Variants in BICC1 observed in about 807,000 individuals in gnomAD.
BICC1 encodes protein bicaudal C homolog 1.
In BICC1, 43 loss-of-function variants were observed where a neutral mutation model predicts 111.0. The observed-to-expected ratio is 0.39, with a 90% CI of 0.30 to 0.50. BICC1 has a LOEUF of 0.50. Ranked by LOEUF, BICC1 falls within the 20% of genes least tolerant of loss-of-function variation. The pLI, the probability that BICC1 is intolerant of heterozygous loss-of-function variation, is 0.88. For synonymous variants in BICC1, 467 were observed against 434.4 expected (o/e 1.07, Z -0.93); for missense variants, 1,091 against 1,203.2 (o/e 0.91, Z 1.38).
chr10:58,513,473 G>A (rs1744678888), intron 1 of BICC1, 140 bp downstream of exon 1: 1 of 815,234 alleles, frequency 1.2e-6, no homozygotes, highest in Non-Finnish European at 1.8e-6. Context: ...CGCGGAGCCG[G>A]AGGACACCCA....
chr10:58,787,976 G>A (rs546840763), intron 5 of BICC1, among the ~76,000 whole-genome samples: 10 of 152,110 alleles, frequency 6.6e-5, no homozygotes, highest in African/African-American at 2.4e-4. Context: ...TATGGAAAAT[G>A]TTCACTATTT....
intron 3 of BICC1, among the ~76,000 whole-genome samples, chr10:58,776,330 C>A (rs934156316): frequency 1.1e-4 from 16 of 152,210 alleles, no homozygotes; most frequent in Non-Finnish European, 1.3e-4. Context: ...AAGGAACAAT[C>A]TGCCCTGGCT....
chr10:58,546,637 G>A (rs1843144599), intron 1 of BICC1, among the ~76,000 whole-genome samples: 1 of 152,090 alleles, frequency 6.6e-6, no homozygotes, highest in Non-Finnish European at 1.5e-5. Flanking sequence ...CCTCTGTAGT[G>A]AATGGCTCTC....
chr10:58,519,729 C>T (rs1294751617), intron 1 of BICC1, among the ~76,000 whole-genome samples: 1 of 151,992 alleles, frequency 6.6e-6, no homozygotes. Context: ...AAGAGGAAAC[C>T]AACTCTGATC....
chr10:58,620,984 G>A (rs933570110), intron 2 of BICC1, 83 bp downstream of exon 2: 3 of 1,212,048 alleles, frequency 2.5e-6, no homozygotes, highest in African/African-American at 1.5e-5. Flanking sequence ...GCCACCGAAC[G>A]CTCCCCTTCA....
At chr10:58,618,673 G>C (rs1239948160) in intron 1 of BICC1, among the ~76,000 whole-genome samples, 1 of 152,232 alleles carries the variant, frequency 6.6e-6, no homozygotes, top group African/African-American at 2.4e-5. Flanking sequence ...TCTGGGTGCA[G>C]TTCATCCTAT....
chr10:58,793,533 T>C lies in BICC1; in HGVS notation c.1097T>C (p.Val366Ala), dbSNP rs776776372. 6.2e-7 allele frequency: 1 copy of C among 1,613,150 alleles called. No homozygotes were observed. Among genetic ancestry groups the C allele is most frequent in the Non-Finnish European group, 8.5e-7 (1 of 1,179,272 alleles). The stretch of plus-strand genomic sequence containing the variant: ...TTTGATATGAAGGAAGAAATTGAAG[T>C]AGATCCACAATTCATTGCGCAGTTG... Reference protein sequence around the residue: ...LMFDMKEEIEVDPQFIAQLME... With the variant: ...LMFDMKEEIEADPQFIAQLME... The change falls in exon 9 of 21, where the codon GTA becomes GCA. Residue 366 changes from valine (V) to alanine (A), a missense_variant. By Grantham distance (64) the Val-to-Ala change is moderately conservative. Coordinates refer to ENST00000373886, the MANE Select transcript of BICC1 (RefSeq NM_001080512.3).
At chr10:58,648,916 G>A (rs1477734919) in intron 2 of BICC1, among the ~76,000 whole-genome samples, 1 of 152,172 alleles carries the variant, frequency 6.6e-6, no homozygotes. Flanking sequence ...TGTGGCCCTG[G>A]CATTCTGAAG....
intron 1 of BICC1, among the ~76,000 whole-genome samples, chr10:58,536,232 A>G (rs974170121): frequency 2.6e-5 from 4 of 151,724 alleles, no homozygotes; most frequent in African/African-American, 4.8e-5. Context: ...AGATATTTAC[A>G]GAACATTCTA....
chr10:58,666,096 C>T (rs762642053), intron 2 of BICC1, among the ~76,000 whole-genome samples: 26 of 152,176 alleles, frequency 1.7e-4, no homozygotes, highest in Non-Finnish European at 2.9e-4. Flanking sequence ...ATTTGCAAAT[C>T]GGGCAGTCCC....
At chr10:58,609,336 TACTA>T (rs372824623) in intron 1 of BICC1, among the ~76,000 whole-genome samples, 5 of 152,364 alleles carry the variant, frequency 3.3e-5, no homozygotes, top group African/African-American at 1.2e-4. Context: ...TACTGACTCT[TACTA>T]TTTGGAAATA....
In BICC1 at chr10:58,513,346, C is replaced by A; in HGVS notation, c.190+13C>A. ...GCCATGTTACAAGGTAGGCATCCCT[C>A]GTGTTCTCGGACTCTCCGACTGAGC... On this transcript the variant is annotated intron_variant, in intron 1 of 20. Transcript: ENST00000373886. 6.3e-7 allele frequency: 1 copy of A among 1,597,940 alleles called. No individual in the cohort carries two copies. Among genetic ancestry groups the A allele is most frequent in the Non-Finnish European group, 8.6e-7 (1 of 1,169,564 alleles).
chr10:58,769,912 A>G (rs1192010136), intron 3 of BICC1, among the ~76,000 whole-genome samples: 1 of 152,138 alleles, frequency 6.6e-6, no homozygotes, highest in Non-Finnish European at 1.5e-5. Context: ...GGACTTTCGT[A>G]CTGATTAGCA....
At chr10:58,579,177 G>T (rs985553938) in intron 1 of BICC1, among the ~76,000 whole-genome samples, 2 of 152,148 alleles carry the variant, frequency 1.3e-5, no homozygotes, top group African/African-American at 4.8e-5. Context: ...CAGCTGCAAC[G>T]CTGTCACCTT....
Position 58,570,579 on chromosome 10 carries a change from T to C in BICC1, c.191-50276T>C, listed in dbSNP as rs183601184. On this transcript the variant is annotated intron_variant, in intron 1 of 20. Transcript: ENST00000373886. ...CTTACTTCAATTGATCCCATCTTTG[T>C]AGGCTTCTTTTCAGCTTTAGAACTG... is the stretch of plus-strand genomic sequence containing the variant. Among the ~76,000 whole-genome samples the C allele has an allele frequency of 1.3e-4, 20 of 152,314 alleles. No homozygotes were observed. The South Asian group carries it at 2.5e-3, about 19-fold the overall frequency.
At chr10:58,562,669 T>C (rs553428114) in intron 1 of BICC1, among the ~76,000 whole-genome samples, 16 of 152,196 alleles carry the variant, frequency 1.1e-4, no homozygotes, top group Non-Finnish European at 2.2e-4. Context: ...AGGTGTCATA[T>C]TCCTTGCTTT....
Position 58,663,089 on chromosome 10 carries a change from C to T in BICC1, c.238-38985C>T, listed in dbSNP as rs570725300. Among the ~76,000 whole-genome samples the T allele has an allele frequency of 2.6e-4, 29 of 113,200 alleles. No homozygotes were observed. In the South Asian group the frequency reaches 5.3e-3, roughly 21 times the overall value. The allele number at this position is 113,200 out of a possible 152,430, so 74.3% of individuals were successfully genotyped here. A position where few individuals can be genotyped will look rare whatever the true frequency, so the allele number is the denominator to read the frequency against. On this transcript the variant is annotated intron_variant, in intron 2 of 20. Coordinates refer to ENST00000373886, the MANE Select transcript of BICC1 (RefSeq NM_001080512.3). Reference sequence around the variant, plus strand: ...TTCTTTTTTTTTTTTTTTTTTGAGACGGAGTCTTACTCTGTTGCCCAGGCT... The same window carrying T: ...TTCTTTTTTTTTTTTTTTTTTGAGATGGAGTCTTACTCTGTTGCCCAGGCT...
intron 3 of BICC1, among the ~76,000 whole-genome samples, chr10:58,774,810 A>C (rs922744418): frequency 1.3e-5 from 2 of 152,124 alleles, no homozygotes; most frequent in Non-Finnish European, 2.9e-5. Context: ...GTAAGGTTGA[A>C]CTTTATTCAT....
At position 58,803,077 on chromosome 10, in the gene BICC1, C is replaced by T. The variant is rs1038731373; in HGVS notation, c.2016C>T (p.His672=). Residue 672 remains histidine, a splice_region_variant and synonymous_variant, in exon 15 of 21, where the codon CAC becomes CAT. Transcript: ENST00000373886. ...TAAATTCCACACTCTTATTTCACAG[C>T]AGCACTGACAGGTTGCTCTCAGACC... ...LLQGTKNSHL[H]STDRLLSDPE... 2.2e-5 allele frequency: 35 copies of T among 1,589,556 alleles called. 1 individual carries two copies. Among genetic ancestry groups the T allele is most frequent in the Non-Finnish European group, 2.8e-5 (33 of 1,168,664 alleles).
Sources: gnomAD v4.1 joint callset for allele counts (sites outside exome capture counted in the v4.1 genomes callset) on GRCh38, gnomAD v4.1.1 for gene constraint, MANE v1.5 for transcripts, NCBI Gene and HGNC (gene_info 2026-07-23, HGNC 2026-07-21) for gene names.